The following NRXN3 variants were observed in gnomAD, a reference collection of about 807,000 sequenced individuals.
NRXN3 encodes the protein neurexin III.
In NRXN3, 32 loss-of-function variants were observed where a neutral mutation model predicts 137.6. The observed-to-expected ratio is 0.23, with a 90% confidence interval of 0.18 to 0.31. The LOEUF is 0.31. Among genes scored for constraint, NRXN3 ranks in the 10% least tolerant of loss-of-function variants. The probability of loss-of-function intolerance (pLI) is 1.00; values close to 1 mark genes in which losing one functional copy is unlikely to be tolerated. For synonymous variants in NRXN3, 798 were observed against 784.5 expected (o/e 1.02, Z -0.29); for missense variants, 1,574 against 2,062.5 (o/e 0.76, Z 4.59).
At chr14:78,556,622 C>T (rs1260233676) in intron 4 of NRXN3, among the ~76,000 whole-genome samples, 2 of 152,154 alleles carry the variant, frequency 1.3e-5, no homozygotes, top group Non-Finnish European at 2.9e-5. Flanking sequence ...TTTCCATGCA[C>T]CTGCATTCTG....
At chr14:78,543,626 A>G (rs190213870) in intron 4 of NRXN3, among the ~76,000 whole-genome samples, 1 of 152,218 alleles carries the variant, frequency 6.6e-6, no homozygotes, top group East Asian at 1.9e-4. Context: ...TAAGATAAAC[A>G]CTGCAGAGTA....
In NRXN3 at chr14:79,120,985, C is replaced by T. The variant is rs957766043; in HGVS notation, c.3262+132844C>T. On this transcript the variant is annotated intron_variant, in intron 15 of 20. Coordinates refer to ENST00000335750, the MANE Select transcript of NRXN3 (RefSeq NM_001330195.2). ...TGCTCTCTAGGGGGGAAATTAACAGCAGAAGACTTGTCACTTGAGTTCTAT... is the reference window on the plus strand; with the variant it reads ...TGCTCTCTAGGGGGGAAATTAACAGTAGAAGACTTGTCACTTGAGTTCTAT... Among the ~76,000 whole-genome samples, 21 of 152,122 alleles carry T rather than the reference C, an allele frequency of 1.4e-4. 1 individual carries two copies. Among genetic ancestry groups the T allele is most frequent in the African/African-American group, 5.1e-4 (21 of 41,424 alleles).
chr14:78,888,616 A>G (rs1431315630), intron 10 of NRXN3, among the ~76,000 whole-genome samples: 4 of 152,006 alleles, frequency 2.6e-5, no homozygotes, highest in African/African-American at 7.2e-5. Context: ...TTCCTCACCC[A>G]CGTCAGTTTT....
chr14:79,063,273 T>A (rs1029942787), intron 15 of NRXN3, among the ~76,000 whole-genome samples: 1 of 152,114 alleles, frequency 6.6e-6, no homozygotes, highest in African/African-American at 2.4e-5. Flanking sequence ...AGTTATTTTA[T>A]GTTTTTTTGT....
chr14:79,531,477 G>A (rs1601716625), intron 16 of NRXN3, among the ~76,000 whole-genome samples: 1 of 152,308 alleles, frequency 6.6e-6, no homozygotes, highest in Middle Eastern at 3.4e-3. Flanking sequence ...GGTGAATAGG[G>A]ATAGTGTTAT....
intron 8 of NRXN3, among the ~76,000 whole-genome samples, chr14:78,731,439 GC>G (rs1479437461): frequency 6.6e-6 from 1 of 151,712 alleles, no homozygotes; most frequent in Non-Finnish European, 1.5e-5. Flanking sequence ...TTATTCTTTG[GC>G]CGACATTAAC....
At chr14:79,356,467 G>A (rs778150194) in intron 15 of NRXN3, among the ~76,000 whole-genome samples, 1 of 152,052 alleles carries the variant, frequency 6.6e-6, no homozygotes, top group Admixed American at 6.5e-5. Context: ...CTGCATCCTT[G>A]TGCCTCTGAA....
intron 15 of NRXN3, among the ~76,000 whole-genome samples, chr14:79,443,101 A>G (rs1049807698): frequency 1.3e-5 from 2 of 152,250 alleles, no homozygotes; most frequent in Admixed American, 1.3e-4. Context: ...AGTCAAAGTT[A>G]TCTTCTATAC....
At chr14:79,518,810 C>G (rs555881842) in intron 16 of NRXN3, among the ~76,000 whole-genome samples, 1 of 152,112 alleles carries the variant, frequency 6.6e-6, no homozygotes, top group African/African-American at 2.4e-5. Flanking sequence ...TTTCCACAAT[C>G]ATTATGAGCC....
At chr14:78,473,757 C>T (rs558810665) in intron 4 of NRXN3, among the ~76,000 whole-genome samples, 27 of 151,996 alleles carry the variant, frequency 1.8e-4, no homozygotes, top group African/African-American at 5.5e-4. Flanking sequence ...TGACTGGGGC[C>T]GGAGGATCCA....
intron 15 of NRXN3, among the ~76,000 whole-genome samples, chr14:79,029,436 G>A (rs184548314): frequency 6.6e-6 from 1 of 152,264 alleles, no homozygotes; most frequent in East Asian, 1.9e-4. Flanking sequence ...AAAGTCAAGA[G>A]GGTGGAAGGT....
chr14:79,857,471 C>T (rs111610993), intron 20 of NRXN3, among the ~76,000 whole-genome samples: 17,025 of 152,138 alleles, frequency 0.11, 1,096 homozygotes, highest in East Asian at 0.2. Context: ...ATCCGCCTGC[C>T]TCGGCCTCCC....
intron 4 of NRXN3, among the ~76,000 whole-genome samples, chr14:78,325,681 G>C (rs1336365889): frequency 1.3e-5 from 2 of 151,890 alleles, no homozygotes; most frequent in African/African-American, 2.4e-5. Flanking sequence ...TAAAAAAAAA[G>C]CCTAGGGTCA....
intron 19 of NRXN3, among the ~76,000 whole-genome samples, chr14:79,799,002 G>A (rs2140447785): frequency 6.6e-6 from 1 of 152,200 alleles, no homozygotes; most frequent in African/African-American, 2.4e-5. Flanking sequence ...AAATTTACTT[G>A]GGTGGACAGA....
intron 20 of NRXN3, among the ~76,000 whole-genome samples, chr14:79,855,168 G>A (rs1388908869): frequency 6.6e-6 from 1 of 152,142 alleles, no homozygotes; most frequent in Non-Finnish European, 1.5e-5. Context: ...TTTCAGGTGG[G>A]TACCATCATC....
chr14:78,846,031 G>C (rs146016050), intron 10 of NRXN3, among the ~76,000 whole-genome samples: 16 of 151,944 alleles, frequency 1.1e-4, no homozygotes, highest in African/African-American at 3.9e-4. Context: ...AGATGTGTCT[G>C]TTTGCTTTCA....
At chr14:79,848,743 C>T (rs2099385721) in intron 20 of NRXN3, among the ~76,000 whole-genome samples, 1 of 152,094 alleles carries the variant, frequency 6.6e-6, no homozygotes. Context: ...CTTAGCTGGC[C>T]CCAGATATGG....
At chr14:78,751,129 T>C (rs1009368787) in intron 8 of NRXN3, among the ~76,000 whole-genome samples, 8 of 152,090 alleles carry the variant, frequency 5.3e-5, no homozygotes, top group Admixed American at 1.3e-4. Flanking sequence ...CAAGCCTTTT[T>C]CCCCCCACTA....
chr14:78,391,365 T>C (rs1293379042), intron 4 of NRXN3, among the ~76,000 whole-genome samples: 2 of 151,480 alleles, frequency 1.3e-5, no homozygotes, highest in African/African-American at 2.4e-5. Context: ...AGTTCCTTCA[T>C]GACCTTTTTT....
Sources: gnomAD v4.1 joint callset for allele counts (sites outside exome capture counted in the v4.1 genomes callset) on GRCh38, gnomAD v4.1.1 for gene constraint, MANE v1.5 for transcripts, NCBI Gene and HGNC (gene_info 2026-07-23, HGNC 2026-07-21) for gene names.